NETO1: variants seen among roughly 807,000 people sequenced by gnomAD.
NETO1 encodes neuropilin and tolloid-like protein 1.
NETO1 carries 26 observed loss-of-function variants against 61.3 expected under a neutral mutation model. The observed-to-expected ratio is 0.42, with a 90% CI of 0.31 to 0.59. NETO1 has a LOEUF of 0.59. Among genes scored for constraint, NETO1 ranks in the 20% least tolerant of loss-of-function variants. NETO1 has a pLI of 0.12. For missense variants in NETO1, 531 were observed against 662.8 expected (o/e 0.80, Z 2.18); for synonymous variants, 225 against 225.8 (o/e 1.00, Z 0.03).
Position 72,858,909 on chromosome 18 carries a change from C to A in NETO1, c.386G>T (p.Ser129Ile). ...AAATTTAATCCATAGAAATCTTCCA[C>A]TGGATTTTATGACAGGTGGATTTTG... ...GQQNPPVIKS[S>I]GRFLWIKFFA... Residue 129 changes from serine (S) to isoleucine (I), a missense_variant, in exon 4 of 11, where the codon AGT becomes ATT. Transcript: ENST00000327305. 6.2e-7 allele frequency: 1 copy of A among 1,613,848 alleles called. No homozygotes were observed. The highest frequency in any genetic ancestry group is 1.3e-5 in the African/African-American group (1 of 75,004).
intron 4 of NETO1, among the ~76,000 whole-genome samples, chr18:72,851,297 G>A (rs1312403284): frequency 1.3e-5 from 2 of 152,124 alleles, no homozygotes; most frequent in African/African-American, 4.8e-5. Context: ...TGTAATCCCA[G>A]CAACTAGGGA....
At chr18:72,860,418 G>T (rs1309038914) in intron 3 of NETO1, among the ~76,000 whole-genome samples, 1 of 152,132 alleles carries the variant, frequency 6.6e-6, no homozygotes, top group Non-Finnish European at 1.5e-5. Context: ...GGTATGCGTG[G>T]TTTTCAAAAA....
chr18:72,832,768 A>G (rs1422901079), intron 4 of NETO1, among the ~76,000 whole-genome samples: 1 of 152,216 alleles, frequency 6.6e-6, no homozygotes, highest in Non-Finnish European at 1.5e-5. Flanking sequence ...ACTTTTTAGT[A>G]CCAAACTTTA....
At chr18:72,788,828 T>A (rs1215090003) in intron 6 of NETO1, among the ~76,000 whole-genome samples, 1 of 152,066 alleles carries the variant, frequency 6.6e-6, no homozygotes, top group Admixed American at 6.6e-5. Context: ...AAGTAATATA[T>A]TCACAAACAA....
chr18:72,795,467 C>T (rs371611053), intron 4 of NETO1, among the ~76,000 whole-genome samples: 1 of 152,124 alleles, frequency 6.6e-6, no homozygotes, highest in Non-Finnish European at 1.5e-5. Context: ...ATTTGATGCA[C>T]ATATATTCCT....
chr18:72,756,889 A>G (rs148694749), intron 7 of NETO1, among the ~76,000 whole-genome samples: 434 of 152,266 alleles, frequency 2.9e-3, no homozygotes, highest in Non-Finnish European at 3.9e-3. Flanking sequence ...AGTTTAATAT[A>G]GCAATGTAAA....
At chr18:72,861,500 T>C (rs1345956702) in intron 3 of NETO1, among the ~76,000 whole-genome samples, 1 of 152,240 alleles carries the variant, frequency 6.6e-6, no homozygotes, top group East Asian at 1.9e-4. Context: ...GTAAGTTATA[T>C]TTGATCTAAC....
chr18:72,749,902 G>A (rs2145072559), intron 9 of NETO1, among the ~76,000 whole-genome samples, 160 bp downstream of exon 9: 1 of 152,256 alleles, frequency 6.6e-6, no homozygotes, highest in South Asian at 2.1e-4. Context: ...AATATGGATA[G>A]CAGTGAAAAG....
chr18:72,783,998 C>T (rs2071829629), intron 6 of NETO1, 92 bp from the exon 7 acceptor site: 3 of 816,676 alleles, frequency 3.7e-6, no homozygotes, highest in Admixed American at 4.2e-5. Context: ...TCTCACAAGA[C>T]AATCTTGATT....
intron 6 of NETO1, among the ~76,000 whole-genome samples, chr18:72,793,367 T>G (rs185824039): frequency 2.0e-5 from 3 of 152,310 alleles, no homozygotes; most frequent in Non-Finnish European, 2.9e-5. Context: ...AATATTTCCA[T>G]AAACAGAATC....
chr18:72,852,650 C>A (rs2074286981), intron 4 of NETO1, among the ~76,000 whole-genome samples: 1 of 152,060 alleles, frequency 6.6e-6, no homozygotes, highest in South Asian at 2.1e-4. Context: ...TCCTGAACAC[C>A]CACCTAGACC....
At chr18:72,767,890 T>A (rs2071218279) in intron 7 of NETO1, among the ~76,000 whole-genome samples, 1 of 152,170 alleles carries the variant, frequency 6.6e-6, no homozygotes, top group Non-Finnish European at 1.5e-5. Context: ...AGTATGTTGT[T>A]ATCTCACTAA....
chr18:72,826,408 T>A (rs996176400), intron 4 of NETO1, among the ~76,000 whole-genome samples: 6 of 151,692 alleles, frequency 4.0e-5, no homozygotes, highest in Non-Finnish European at 8.8e-5. Flanking sequence ...ATTAGCACTA[T>A]CTTGCTGGGA....
At chr18:72,851,053 G>T (rs777345892) in intron 4 of NETO1, among the ~76,000 whole-genome samples, 2 of 152,158 alleles carry the variant, frequency 1.3e-5, no homozygotes, top group African/African-American at 4.8e-5. Flanking sequence ...AGTGGGAGGT[G>T]AGCGAAAGGA....
At chr18:72,768,651 G>C (rs1413733700) in intron 7 of NETO1, among the ~76,000 whole-genome samples, 3 of 152,176 alleles carry the variant, frequency 2.0e-5, no homozygotes, top group Non-Finnish European at 4.4e-5. Flanking sequence ...GAGAGATGGA[G>C]ACTGAAGGCA....
chr18:72,810,574 C>A (rs2072832293), intron 4 of NETO1, among the ~76,000 whole-genome samples: 1 of 152,170 alleles, frequency 6.6e-6, no homozygotes, highest in African/African-American at 2.4e-5. Flanking sequence ...AGTGTTATAC[C>A]ACTTCTTTCC....
At chr18:72,801,601 C>A (rs1278873285) in intron 4 of NETO1, among the ~76,000 whole-genome samples, 1 of 152,096 alleles carries the variant, frequency 6.6e-6, no homozygotes, top group Non-Finnish European at 1.5e-5. Context: ...ATTTTCAGTT[C>A]TTAATACAAT....
At chr18:72,806,147 C>T (rs990928404) in intron 4 of NETO1, among the ~76,000 whole-genome samples, 6 of 152,122 alleles carry the variant, frequency 3.9e-5, no homozygotes, top group Non-Finnish European at 7.3e-5. Context: ...TTAGTTCTTC[C>T]AAGCATATGA....
At chr18:72,844,093 A>G (rs929774991) in intron 4 of NETO1, among the ~76,000 whole-genome samples, 3 of 152,190 alleles carry the variant, frequency 2.0e-5, no homozygotes, top group Non-Finnish European at 4.4e-5. Flanking sequence ...AAACGTCTTT[A>G]AAAGCAAACA....
Sources: allele counts gnomAD v4.1 joint callset (sites outside exome capture counted in the v4.1 genomes callset), GRCh38; gene constraint gnomAD v4.1.1; transcripts MANE v1.5; gene names NCBI Gene and HGNC (gene_info 2026-07-23, HGNC 2026-07-21).